PCDHGA7: variants seen among roughly 807,000 people sequenced by gnomAD.
PCDHGA7 encodes protocadherin gamma-A7.
A neutral mutation model predicts 58.3 loss-of-function variants in PCDHGA7; 44 were observed. The observed-to-expected ratio is 0.75, with a 90% CI of 0.59 to 0.97. The LOEUF (loss-of-function observed/expected upper bound fraction) is 0.97, where lower values mean the gene tolerates loss of function less well. Ranked by LOEUF, PCDHGA7 falls within the 50% of genes least tolerant of loss-of-function variation. The pLI, the probability that PCDHGA7 is intolerant of heterozygous loss-of-function variation, is 0.00. For synonymous variants in PCDHGA7, 516 were observed against 504.2 expected, an observed-to-expected ratio of 1.02 and a Z score of -0.31; for missense variants, 1,266 against 1,188.7, an observed-to-expected ratio of 1.06 and a Z score of -0.96.
At chr5:141,470,599 C>T (rs967683467) in intron 1 of PCDHGA7, among the ~76,000 whole-genome samples, 12 of 152,194 alleles carry the variant, frequency 7.9e-5, no homozygotes, top group Non-Finnish European at 1.2e-4. Context: ...GCGACCTGTG[C>T]GGGGACACAG....
intron 1 of PCDHGA7, among the ~76,000 whole-genome samples, chr5:141,447,413 C>T (rs1279399546): frequency 6.6e-6 from 1 of 152,204 alleles, no homozygotes; most frequent in Non-Finnish European, 1.5e-5. Flanking sequence ...GCTGGGATTA[C>T]AGGCGTGAGC....
chr5:141,457,632 G>T (rs919693977), intron 1 of PCDHGA7, among the ~76,000 whole-genome samples: 1 of 152,142 alleles, frequency 6.6e-6, no homozygotes, highest in Non-Finnish European at 1.5e-5. Context: ...CTTATACTTG[G>T]CCTGATTATT....
chr5:141,431,325 G>C lies in PCDHGA7; in HGVS notation c.2424+46002G>C, dbSNP rs772252181. On this transcript the variant is annotated intron_variant, in intron 1 of 3. Coordinates refer to ENST00000518325, the MANE Select transcript of PCDHGA7 (RefSeq NM_018920.4). The surrounding 1 kb of genome is among the most constrained non-coding windows in gnomAD (Gnocchi z 4.8). Reference sequence around the variant, plus strand: ...ATCGTGCAAAATGGAGCCGACGGTAGTAAGTACCCCGAATTGGTGCTGAAA... The same window carrying C: ...ATCGTGCAAAATGGAGCCGACGGTACTAAGTACCCCGAATTGGTGCTGAAA... 4.3e-6 allele frequency: 7 copies of C among 1,614,144 alleles called. No individual in the cohort carries two copies. In the Admixed American group the frequency reaches 8.3e-5, roughly 19 times the overall value.
At chr5:141,390,867 CGTGTGTGTGT>C (rs61319619) in intron 1 of PCDHGA7, 1 of 151,040 alleles carries the variant, frequency 6.6e-6, no homozygotes, top group African/African-American at 2.5e-5. Context: ...GCTGTGTGTG[CGTGTGTGTGT>C]GTGTGTGTGT....
chr5:141,463,874 G>T (rs1311566242), intron 1 of PCDHGA7, among the ~76,000 whole-genome samples: 1 of 152,136 alleles, frequency 6.6e-6, no homozygotes, highest in Non-Finnish European at 1.5e-5. Flanking sequence ...TGACTGAAAG[G>T]AAAAGTTTTC....
In PCDHGA7 at chr5:141,476,656, T is replaced by A. The variant is rs190269177; in HGVS notation, c.2425-18151T>A. 6.2e-7 allele frequency: 1 copy of A among 1,614,210 alleles called. No individual in the cohort carries two copies. The highest frequency in any genetic ancestry group is 1.3e-5 in the African/African-American group (1 of 75,064). ...ATGAGCTGAGCCGAAATGAATACTTTGCGCTTCGCGTGCAGACGCGGGAGG... is the reference window on the plus strand; with the variant it reads ...ATGAGCTGAGCCGAAATGAATACTTAGCGCTTCGCGTGCAGACGCGGGAGG... On this transcript the variant is annotated intron_variant, in intron 1 of 3. Coordinates refer to ENST00000518325, the MANE Select transcript of PCDHGA7 (RefSeq NM_018920.4). This position sits in a 1 kb window ranked among gnomAD's most constrained non-coding sequence, Gnocchi z 7.6.
At chr5:141,467,114 G>A (rs971182917) in intron 1 of PCDHGA7, among the ~76,000 whole-genome samples, 5 of 149,522 alleles carry the variant, frequency 3.3e-5, no homozygotes, top group South Asian at 2.1e-4. Context: ...GTACAATGGT[G>A]CAATCTCAGC....
In PCDHGA7 at chr5:141,384,132, C is replaced by T. The variant is rs1290502346; in HGVS notation, c.1233C>T (p.Asp411=). 1 of 1,611,710 alleles carries T rather than the reference C, an allele frequency of 6.2e-7. No homozygotes were observed. Among genetic ancestry groups the T allele is most frequent in the Non-Finnish European group, 8.5e-7 (1 of 1,178,764 alleles). The change falls in exon 1 of 4, where the codon GAC becomes GAT. Residue 411 remains aspartate, a synonymous_variant. Transcript: ENST00000518325. ...GATTGGTCACAACCAAAAACTTGGA[C>T]CGGGAAACACTCTCTTTGTATAACA... ...YYRLVTTKNL[D]RETLSLYNIT...
intron 2 of PCDHGA7, among the ~76,000 whole-genome samples, chr5:141,499,984 G>A (rs1350203006): frequency 6.6e-6 from 1 of 151,872 alleles, no homozygotes; most frequent in East Asian, 1.9e-4. Context: ...CACCTTGCCC[G>A]GCCAGATGAT....
rs1000775080 is a variant in PCDHGA7 at position 141,487,567 on chromosome 5, G to C, written c.2425-7240G>C. 2 of 1,614,168 alleles carry C rather than the reference G, an allele frequency of 1.2e-6. No individual in the cohort carries two copies. The highest frequency in any genetic ancestry group is 1.7e-6 in the Non-Finnish European group (2 of 1,180,036). ...CACCCAGTGCACCTATGGCAGGGGA[G>C]CCTGTTCGCCCAAGCTGCCCACCCT... On this transcript the variant is annotated intron_variant, in intron 1 of 3. Coordinates refer to ENST00000518325, the MANE Select transcript of PCDHGA7 (RefSeq NM_018920.4). The surrounding 1 kb of genome is among the most constrained non-coding windows in gnomAD (Gnocchi z 5.0).
chr5:141,481,736 G>A (rs569415213), intron 1 of PCDHGA7, among the ~76,000 whole-genome samples: 23 of 151,934 alleles, frequency 1.5e-4, no homozygotes, highest in African/African-American at 4.3e-4. Flanking sequence ...GGCGGATCAC[G>A]AGGTCAGGAG....
In PCDHGA7 at chr5:141,431,955, GA is replaced by G; in HGVS notation, c.2424+46635del. ...CCCTTTAAATTAGAAAAATCTTACG[GA>G]AATTACTATAGTTTAGTCACAGACA... On this transcript the variant is annotated intron_variant, in intron 1 of 3. Coordinates refer to ENST00000518325, the MANE Select transcript of PCDHGA7 (RefSeq NM_018920.4). The surrounding 1 kb of genome is among the most constrained non-coding windows in gnomAD (Gnocchi z 4.8). The G allele has an allele frequency of 6.2e-7, 1 of 1,614,142 alleles. No homozygotes were observed. Among genetic ancestry groups the G allele is most frequent in the Non-Finnish European group, 8.5e-7 (1 of 1,180,024 alleles).
In PCDHGA7 at chr5:141,383,083, C is replaced by G; in HGVS notation, c.184C>G (p.Arg62Gly). The G allele has an allele frequency of 6.2e-7, 1 of 1,613,852 alleles. No homozygotes were observed. ...GCTGGAGCCCCGGGAGCTGGCGGAG[C>G]GCGGAGTCCGCATCATCTCCAGAGG... ...LGLEPRELAERGVRIISRGRT... is the reference protein window; with the variant it reads ...LGLEPRELAEGGVRIISRGRT... The change falls in exon 1 of 4, where the codon CGC becomes GGC. Residue 62 changes from arginine to glycine, a missense_variant. Transcript: ENST00000518325.
rs1239203203 is a variant in PCDHGA7 at position 141,403,933 on chromosome 5, G to T, written c.2424+18610G>T. 1.7e-5 allele frequency: 27 copies of T among 1,613,792 alleles called. No homozygotes were observed. The highest frequency in any genetic ancestry group is 1.6e-4 in the African/African-American group (12 of 74,902). ...TACAAGCTGAAGATGGTGGGGGATT[G>T]AAAGGGTGGACAAAAGTGCTCATTT... On this transcript the variant is annotated intron_variant, in intron 1 of 3. Transcript: ENST00000518325.
At position 141,487,254 on chromosome 5, in the gene PCDHGA7, C is replaced by T. The variant is rs1341564301; in HGVS notation, c.2425-7553C>T. On this transcript the variant is annotated intron_variant, in intron 1 of 3. Coordinates refer to ENST00000518325, the MANE Select transcript of PCDHGA7 (RefSeq NM_018920.4). The surrounding 1 kb of genome is among the most constrained non-coding windows in gnomAD (Gnocchi z 5.0). Reference sequence around the variant, plus strand: ...GAATCTCGTCTAACCCTCTACTTGGCTGTGTCCCTAGTGGCAATTTGCTTT... The same window carrying T: ...GAATCTCGTCTAACCCTCTACTTGGTTGTGTCCCTAGTGGCAATTTGCTTT... The T allele has an allele frequency of 1.2e-6, 2 of 1,614,126 alleles. No homozygotes were observed. Among genetic ancestry groups the T allele is most frequent in the East Asian group, 4.5e-5 (2 of 44,860 alleles).
At chr5:141,510,580 G>A (rs947369646) in intron 3 of PCDHGA7, among the ~76,000 whole-genome samples, 7 of 152,248 alleles carry the variant, frequency 4.6e-5, no homozygotes, top group South Asian at 2.1e-4. Flanking sequence ...ACTATTTTAC[G>A]TACCTGACAT....
chr5:141,432,589 G>T lies in PCDHGA7; in HGVS notation c.2424+47266G>T. ...CCTGGCTGTCCTACCGTCTGCTCAA[G>T]GCCAGCGAGCCGGGACTCTTCTCGG... On this transcript the variant is annotated intron_variant, in intron 1 of 3. Transcript: ENST00000518325. The surrounding 1 kb of genome is among the most constrained non-coding windows in gnomAD (Gnocchi z 6.0). 1 of 1,613,916 alleles carries T rather than the reference G, an allele frequency of 6.2e-7. No individual in the cohort carries two copies. Among genetic ancestry groups the T allele is most frequent in the Non-Finnish European group, 8.5e-7 (1 of 1,179,974 alleles).
rs752796935 is a variant in PCDHGA7, at chr5:141,399,900, C to T, written c.2424+14577C>T. ...TGGTGACCAAGGTAGTGGCCGTGGACGCAGACTCAGGACACAACGCCTGGC... is the reference window on the plus strand; with the variant it reads ...TGGTGACCAAGGTAGTGGCCGTGGATGCAGACTCAGGACACAACGCCTGGC... On this transcript the variant is annotated intron_variant, in intron 1 of 3. Coordinates refer to ENST00000518325, the MANE Select transcript of PCDHGA7 (RefSeq NM_018920.4). The T allele has an allele frequency of 7.4e-6, 12 of 1,612,414 alleles. 1 individual carries two copies. In the South Asian group the frequency reaches 9.9e-5, roughly 13 times the overall value.
At chr5:141,464,676 T>A (rs1337677151) in intron 1 of PCDHGA7, among the ~76,000 whole-genome samples, 1 of 152,176 alleles carries the variant, frequency 6.6e-6, no homozygotes. Flanking sequence ...ATAATTTTAA[T>A]TAAAATTTCT....
Sources: allele counts gnomAD v4.1 joint callset (sites outside exome capture counted in the v4.1 genomes callset), GRCh38; gene constraint gnomAD v4.1.1; non-coding constraint Gnocchi (gnomAD v3.1); transcripts MANE v1.5; gene names NCBI Gene and HGNC (gene_info 2026-07-23, HGNC 2026-07-21).